OR2L13: variants seen among roughly 807,000 people sequenced by gnomAD.
OR2L13 encodes the protein olfactory receptor 2L13.
Under a neutral mutation model 15.3 loss-of-function variants are expected in OR2L13, and 14 were observed. The observed-to-expected ratio is 0.91, with a 90% CI of 0.60 to 1.43. The LOEUF (loss-of-function observed/expected upper bound fraction) is 1.43, where lower values mean the gene tolerates loss of function less well. Ranked by LOEUF, OR2L13 falls within the 40% of genes most tolerant of loss-of-function variation. The probability of loss-of-function intolerance (pLI) is 0.00; values close to 1 mark genes in which losing one functional copy is unlikely to be tolerated. For synonymous variants in OR2L13, 152 were observed against 142.9 expected (o/e 1.06, Z -0.45); for missense variants, 367 against 387.9 (o/e 0.95, Z 0.45).
At chr1:247,975,470 A>G in the OR2L13 span, 4 of 803,510 alleles carry the variant, frequency 5.0e-6, no homozygotes, top group African/African-American at 5.1e-5. Flanking sequence ...GTAATTTTCT[A>G]CTATGCAATG....
At chr1:248,032,532 A>T in the OR2L13 span, among the ~76,000 whole-genome samples, 46,104 of 151,902 alleles carry the variant, frequency 0.3, 11,285 homozygotes, top group African/African-American at 0.68. Flanking sequence ...CCCCATCCCC[A>T]GGGGTCCAGC....
chr1:247,960,236 CGG>C, the OR2L13 span, among the ~76,000 whole-genome samples: 2 of 151,848 alleles, frequency 1.3e-5, no homozygotes, highest in Non-Finnish European at 2.9e-5. Flanking sequence ...GTATCAGCAG[CGG>C]AGGCTGCAGA....
chr1:248,099,478 T>C (rs763499311), exon 3 of OR2L13: 40 of 1,613,802 alleles, frequency 2.5e-5, no homozygotes, highest in South Asian at 3.3e-5. Context: ...CCTCATATTC[T>C]TTCTGGCCTC....
In OR2L13 at chr1:248,100,042, GCTGT is replaced by G; in HGVS notation, c.670_673del (p.Val224IlefsTer20). 6.2e-7 allele frequency: 1 copy of G among 1,613,982 alleles called. No individual in the cohort carries two copies. The highest frequency in any genetic ancestry group is 8.5e-7 in the Non-Finnish European group (1 of 1,179,988). On this transcript the variant is annotated frameshift_variant, in exon 3 of 3. Transcript: ENST00000641714. LOFTEE classifies it high-confidence loss of function. The stretch of plus-strand genomic sequence containing the variant: ...TTCTTCCTGTGGCCGAGTCCTATTT[GCTGT>G]CTATCATATGCACTCAAAGGAGGGG...
At chr1:248,026,203 G>T in the OR2L13 span, among the ~76,000 whole-genome samples, 4,773 of 152,174 alleles carry the variant, frequency 0.031, 225 homozygotes, top group African/African-American at 0.11. Context: ...AAAAAGAAAA[G>T]CCCTGGATTA....
At chr1:247,996,461 C>G in the OR2L13 span, among the ~76,000 whole-genome samples, 2 of 152,186 alleles carry the variant, frequency 1.3e-5, no homozygotes, top group Non-Finnish European at 2.9e-5. Context: ...TATTTACACT[C>G]TTTTTCTAAA....
the OR2L13 span, among the ~76,000 whole-genome samples, chr1:247,993,342 G>GTTTTTTTTTTT: frequency 7.4e-6 from 1 of 134,962 alleles, no homozygotes. Flanking sequence ...TTTCCTCGTT[G>GTTTTTTTTTTT]TTTTTTTTTT....
the OR2L13 span, among the ~76,000 whole-genome samples, chr1:247,961,319 G>A: frequency 6.6e-6 from 1 of 152,130 alleles, no homozygotes; most frequent in Admixed American, 6.6e-5. Flanking sequence ...CATTGCATAG[G>A]TTTGAGGAAG....
chr1:248,058,517 T>C, the OR2L13 span, among the ~76,000 whole-genome samples: 2 of 152,136 alleles, frequency 1.3e-5, no homozygotes, highest in Non-Finnish European at 2.9e-5. Context: ...ATATAAACTA[T>C]TGTAAAACCT....
chr1:248,071,702 C>A, the OR2L13 span, among the ~76,000 whole-genome samples: 2 of 149,738 alleles, frequency 1.3e-5, no homozygotes, highest in Non-Finnish European at 3.0e-5. Flanking sequence ...TGTTTGCAGA[C>A]GAGATGATTG....
At chr1:248,025,660 C>T in the OR2L13 span, among the ~76,000 whole-genome samples, 16,722 of 134,426 alleles carry the variant, frequency 0.12, 1,320 homozygotes, top group East Asian at 0.24. Context: ...GTATGTTTAT[C>T]GCGGCACTAT....
the OR2L13 span, among the ~76,000 whole-genome samples, chr1:247,942,306 C>A: frequency 6.6e-6 from 1 of 152,148 alleles, no homozygotes; most frequent in Non-Finnish European, 1.5e-5. Flanking sequence ...ACAAGGTCCT[C>A]ATTTCCCTTA....
the OR2L13 span, chr1:247,990,411 T>G: frequency 6.3e-7 from 1 of 1,584,854 alleles, no homozygotes; most frequent in Non-Finnish European, 8.7e-7. Context: ...TCTTCTCATC[T>G]TCTTGGACAT....
At chr1:248,017,156 A>G in the OR2L13 span, among the ~76,000 whole-genome samples, 1 of 152,174 alleles carries the variant, frequency 6.6e-6, no homozygotes, top group Non-Finnish European at 1.5e-5. Context: ...TATACATTTT[A>G]GAAGAGTTAT....
chr1:247,969,192 G>T, the OR2L13 span, among the ~76,000 whole-genome samples: 1 of 151,912 alleles, frequency 6.6e-6, no homozygotes, highest in Non-Finnish European at 1.5e-5. Context: ...TGATGGGGTT[G>T]TTTGTTTTTT....
At chr1:247,951,631 A>G in the OR2L13 span, among the ~76,000 whole-genome samples, 11 of 152,334 alleles carry the variant, frequency 7.2e-5, no homozygotes, top group Non-Finnish European at 1.0e-4. Context: ...CTTATGAATC[A>G]GAGTAAGTCC....
chr1:248,100,110 TGTA>T, exon 3 of OR2L13: 1 of 1,614,106 alleles, frequency 6.2e-7, no homozygotes, highest in African/African-American at 1.3e-5. Context: ...CACATTTAAC[TGTA>T]GTGATCTTTT....
At chr1:247,990,050 T>C in the OR2L13 span, among the ~76,000 whole-genome samples, 1 of 151,806 alleles carries the variant, frequency 6.6e-6, no homozygotes, top group Non-Finnish European at 1.5e-5. Context: ...GGTTTTCTTT[T>C]TAGTTATTTT....
chr1:247,969,923 A>G, the OR2L13 span, among the ~76,000 whole-genome samples: 1 of 152,110 alleles, frequency 6.6e-6, no homozygotes, highest in Non-Finnish European at 1.5e-5. Context: ...TGCATACAAC[A>G]TGGGTTGGTG....
Sources: allele counts gnomAD v4.1 joint callset (sites outside exome capture counted in the v4.1 genomes callset), GRCh38; gene constraint gnomAD v4.1.1; transcripts MANE v1.5; gene names NCBI Gene and HGNC (gene_info 2026-07-23, HGNC 2026-07-21).